KIFAP3: variants seen among roughly 807,000 people sequenced by gnomAD.
The protein encoded by KIFAP3 is kinesin associated protein 3, also known as kinesin-associated protein 3.
In KIFAP3, 68 loss-of-function variants were observed where a neutral mutation model predicts 106.5. The ratio of observed to expected loss-of-function variants is 0.64; its 90% CI spans 0.53 to 0.78. The LOEUF (loss-of-function observed/expected upper bound fraction) is 0.78. Ranked by LOEUF, KIFAP3 falls within the 30% of genes least tolerant of loss-of-function variation. The pLI, the probability that KIFAP3 is intolerant of heterozygous loss-of-function variation, is 0.00. For synonymous variants in KIFAP3, 320 were observed against 311.5 expected (o/e 1.03, Z -0.29); for missense variants, 780 against 941.8 (o/e 0.83, Z 2.25).
chr1:170,005,546 TGTCCTTTGCAG>T (rs1667906970), intron 10 of KIFAP3, among the ~76,000 whole-genome samples: 1 of 152,012 alleles, frequency 6.6e-6, no homozygotes, highest in Non-Finnish European at 1.5e-5. Flanking sequence ...GATGAGTTCA[TGTCCTTTGCAG>T]GGACATGGAT....
At chr1:170,059,124 GCAAACA>G (rs1671001162) in intron 1 of KIFAP3, among the ~76,000 whole-genome samples, 1 of 152,012 alleles carries the variant, frequency 6.6e-6, no homozygotes, top group Non-Finnish European at 1.5e-5. Context: ...AGAAGCAAAA[GCAAACA>G]CATTTAAAAG....
At chr1:169,930,914 CTTTTTTTT>C (rs151201224) in intron 19 of KIFAP3, among the ~76,000 whole-genome samples, 1 of 100,396 alleles carries the variant, frequency 1.0e-5, no homozygotes. Context: ...ATTATTACTT[CTTTTTTTT>C]TTTTTTTTTT....
intron 2 of KIFAP3, among the ~76,000 whole-genome samples, chr1:170,048,301 T>A (rs916032278): frequency 7.8e-4 from 73 of 93,666 alleles, no homozygotes; most frequent in Admixed American, 8.1e-4. Context: ...CTTATTTGGG[T>A]TTTTTTTTTT....
At chr1:170,008,430 A>C (rs369201612) in intron 10 of KIFAP3, among the ~76,000 whole-genome samples, 2 of 151,628 alleles carry the variant, frequency 1.3e-5, no homozygotes, top group African/African-American at 2.4e-5. Flanking sequence ...CAAGAAAAAA[A>C]CAAACAACCC....
At chr1:170,054,890 T>C (rs1296450122) in intron 2 of KIFAP3, among the ~76,000 whole-genome samples, 1 of 152,128 alleles carries the variant, frequency 6.6e-6, no homozygotes, top group African/African-American at 2.4e-5. Flanking sequence ...GAGGGGTTGA[T>C]AGGTGCAGCA....
intron 19 of KIFAP3, among the ~76,000 whole-genome samples, chr1:169,950,302 T>C (rs2101834788): frequency 6.6e-6 from 1 of 152,290 alleles, no homozygotes; most frequent in African/African-American, 2.4e-5. Flanking sequence ...GGCACTGTCA[T>C]ATTGTTTCGT....
At chr1:170,039,616 A>G (rs1389660735) in intron 3 of KIFAP3, among the ~76,000 whole-genome samples, 6 of 152,100 alleles carry the variant, frequency 3.9e-5, no homozygotes, top group African/African-American at 1.2e-4. Flanking sequence ...TTCCCTTCCT[A>G]ATTCAAATTT....
At chr1:169,929,029 C>T (rs1210087289) in intron 19 of KIFAP3, among the ~76,000 whole-genome samples, 1 of 151,998 alleles carries the variant, frequency 6.6e-6, no homozygotes, top group African/African-American at 2.4e-5. Flanking sequence ...TAAAACAATA[C>T]CTAACACTAG....
chr1:169,949,995 T>C (rs1366804524), intron 19 of KIFAP3, among the ~76,000 whole-genome samples: 1 of 152,110 alleles, frequency 6.6e-6, no homozygotes, highest in Non-Finnish European at 1.5e-5. Flanking sequence ...CTTACAAAAA[T>C]GAAGGTATTC....
upstream of KIFAP3, among the ~76,000 whole-genome samples, chr1:170,077,150 G>A (rs1368049783): frequency 1.3e-5 from 2 of 152,056 alleles, no homozygotes; most frequent in Non-Finnish European, 2.9e-5. Flanking sequence ...ACCAATCAAC[G>A]CCCTGTGTCT....
At chr1:169,927,502 C>A (rs1458887458) in intron 19 of KIFAP3, among the ~76,000 whole-genome samples, 1 of 152,176 alleles carries the variant, frequency 6.6e-6, no homozygotes. Context: ...TTTAATGCAT[C>A]TGTTACCTCC....
At chr1:170,021,355 TG>T (rs936780174) in intron 9 of KIFAP3, among the ~76,000 whole-genome samples, 1 of 151,046 alleles carries the variant, frequency 6.6e-6, no homozygotes, top group African/African-American at 2.4e-5. Flanking sequence ...ATTTTCCTTT[TG>T]GAAAAAAAAC....
chr1:170,069,082 G>C (rs1671581679), intron 1 of KIFAP3, among the ~76,000 whole-genome samples: 1 of 151,450 alleles, frequency 6.6e-6, no homozygotes, highest in Non-Finnish European at 1.5e-5. Flanking sequence ...AAAATTACAA[G>C]AGAATAATAT....
At chr1:169,982,482 A>C (rs1483207624) in intron 14 of KIFAP3, among the ~76,000 whole-genome samples, 1 of 152,192 alleles carries the variant, frequency 6.6e-6, no homozygotes, top group Admixed American at 6.5e-5. Flanking sequence ...GAAAGGTAGA[A>C]TAGGAAATAG....
At chr1:169,953,277 T>A (rs1338570078) in intron 19 of KIFAP3, among the ~76,000 whole-genome samples, 2 of 152,170 alleles carry the variant, frequency 1.3e-5, no homozygotes, top group African/African-American at 4.8e-5. Context: ...TTAATTATTT[T>A]AATAAAATGC....
intron 19 of KIFAP3, among the ~76,000 whole-genome samples, chr1:169,934,695 T>C (rs1361818362): frequency 1.3e-5 from 2 of 152,148 alleles, no homozygotes; most frequent in Non-Finnish European, 2.9e-5. Context: ...ACTATGAGAA[T>C]TCTTTAAGGA....
At chr1:170,018,898 GA>G (rs1668663846) in intron 9 of KIFAP3, among the ~76,000 whole-genome samples, 1 of 152,058 alleles carries the variant, frequency 6.6e-6, no homozygotes. Context: ...GTTCATTATA[GA>G]GTATAATTCT....
intron 11 of KIFAP3, chr1:169,989,999 A>T: frequency 1.3e-6 from 2 of 1,515,874 alleles, no homozygotes; most frequent in Non-Finnish European, 1.8e-6. Flanking sequence ...CATAAGTACG[A>T]TTTGTTCATA....
chr1:170,060,534 ATT>A, intron 1 of KIFAP3, among the ~76,000 whole-genome samples: 1 of 152,320 alleles, frequency 6.6e-6, no homozygotes, highest in East Asian at 1.9e-4. Flanking sequence ...ATGGAAGAAC[ATT>A]CCATGCTCAT....
Sources: allele counts gnomAD v4.1 joint callset (sites outside exome capture counted in the v4.1 genomes callset), GRCh38; gene constraint gnomAD v4.1.1; transcripts MANE v1.5; gene names NCBI Gene and HGNC (gene_info 2026-07-23, HGNC 2026-07-21).